Variants in SLC2A9 observed in about 807,000 individuals in gnomAD.
SLC2A9 encodes solute carrier family 2, facilitated glucose transporter member 9.
SLC2A9 carries 39 observed loss-of-function variants against 50.6 expected under a neutral mutation model. The observed-to-expected ratio is 0.77, with a 90% CI of 0.60 to 1.01. The LOEUF (loss-of-function observed/expected upper bound fraction) is 1.01. SLC2A9 is among the 50% of genes least tolerant of loss of function. The pLI is 0.00. For missense variants in SLC2A9, 686 were observed against 677.6 expected (o/e 1.01, Z -0.14); for synonymous variants, 324 against 276.9 (o/e 1.17, Z -1.69).
intron 9 of SLC2A9, among the ~76,000 whole-genome samples, chr4:9,888,475 T>G (rs1465560309): frequency 6.6e-6 from 1 of 151,572 alleles, no homozygotes; most frequent in Non-Finnish European, 1.5e-5. Context: ...ATCCGGGGGG[T>G]GGGTGGCTTG....
At chr4:9,860,120 C>G (rs1007304879) in intron 10 of SLC2A9, among the ~76,000 whole-genome samples, 1 of 152,190 alleles carries the variant, frequency 6.6e-6, no homozygotes, top group Non-Finnish European at 1.5e-5. Context: ...CACCTGCTAT[C>G]TCTCTGCCCC....
chr4:9,867,345 G>A (rs1732659865), intron 10 of SLC2A9, among the ~76,000 whole-genome samples: 1 of 152,204 alleles, frequency 6.6e-6, no homozygotes, highest in African/African-American at 2.4e-5. Flanking sequence ...AGCCATGTGG[G>A]TTTCTCATGT....
At chr4:9,780,778 G>T (rs1718246965) in intron 3 of SLC2A9, among the ~76,000 whole-genome samples, 1 of 152,124 alleles carries the variant, frequency 6.6e-6, no homozygotes, top group South Asian at 2.1e-4. Flanking sequence ...CCTCTTTATT[G>T]TTTTCCATCA....
chr4:9,960,594 A>T (rs17245723), intron 5 of SLC2A9, among the ~76,000 whole-genome samples: 72,129 of 152,122 alleles, frequency 0.47, 18,232 homozygotes, highest in African/African-American at 0.64. Flanking sequence ...GAGGAAGAGA[A>T]AGCTTTTGTC....
At chr4:9,823,742 G>C (rs1030087199), downstream of SLC2A9, among the ~76,000 whole-genome samples, 2 of 152,170 alleles carry the variant, frequency 1.3e-5, no homozygotes, top group Non-Finnish European at 2.9e-5. Flanking sequence ...GTAAATATCA[G>C]AGTATAAACA....
chr4:9,891,371 G>A (rs1334786225), intron 8 of SLC2A9, among the ~76,000 whole-genome samples: 2 of 152,140 alleles, frequency 1.3e-5, no homozygotes, highest in Admixed American at 6.5e-5. Context: ...AATTGTAGCC[G>A]AATGTCAGAG....
At chr4:10,034,218 T>C (rs960388511) in intron 1 of SLC2A9, 2 of 152,222 alleles carry the variant, frequency 1.3e-5, no homozygotes, top group East Asian at 3.8e-4. Flanking sequence ...GAAGCATACA[T>C]TCAATACACA....
chr4:9,803,033 A>G (rs1002678672), intron 3 of SLC2A9, among the ~76,000 whole-genome samples: 1 of 152,202 alleles, frequency 6.6e-6, no homozygotes, highest in African/African-American at 2.4e-5. Context: ...GTGTCAGAGG[A>G]GATGAAACTT....
chr4:9,985,173 T>C (rs922559461), intron 4 of SLC2A9, among the ~76,000 whole-genome samples: 1 of 152,132 alleles, frequency 6.6e-6, no homozygotes, highest in Non-Finnish European at 1.5e-5. Flanking sequence ...ACCTTATGTA[T>C]CTGTCTGCCC....
chr4:9,867,198 AT>A (rs993575276), intron 10 of SLC2A9, among the ~76,000 whole-genome samples: 2 of 152,256 alleles, frequency 1.3e-5, no homozygotes, highest in African/African-American at 4.8e-5. Flanking sequence ...AAAAGTACAA[AT>A]TGAAACAGAG....
intron 10 of SLC2A9, among the ~76,000 whole-genome samples, chr4:9,853,077 G>A (rs957765965): frequency 1.3e-5 from 2 of 151,654 alleles, no homozygotes; most frequent in African/African-American, 2.4e-5. Context: ...TCAGGAGGCT[G>A]AGGCAGGAGA....
intron 10 of SLC2A9, among the ~76,000 whole-genome samples, chr4:9,856,608 T>C (rs1313845389): frequency 2.0e-5 from 3 of 152,200 alleles, no homozygotes; most frequent in Non-Finnish European, 2.9e-5. Flanking sequence ...AGTCCCATTA[T>C]TGGGTACACA....
chr4:9,846,032 T>C (rs1047517088), intron 10 of SLC2A9, among the ~76,000 whole-genome samples: 1 of 152,196 alleles, frequency 6.6e-6, no homozygotes, highest in Non-Finnish European at 1.5e-5. Context: ...AAGAACTATC[T>C]TGGGAGGCAG....
chr4:9,803,376 C>G (rs1331569368), intron 3 of SLC2A9, among the ~76,000 whole-genome samples: 2 of 152,196 alleles, frequency 1.3e-5, no homozygotes, highest in African/African-American at 4.8e-5. Context: ...CATTTATCTA[C>G]CAAGAACTGT....
At chr4:10,000,171 A>T (rs12650373) in intron 2 of SLC2A9, among the ~76,000 whole-genome samples, 1 of 152,322 alleles carries the variant, frequency 6.6e-6, no homozygotes, top group Admixed American at 6.5e-5. Flanking sequence ...ATATATTATC[A>T]ATAGCTACAG....
At chr4:9,825,207 G>A (rs917126656), downstream of SLC2A9, among the ~76,000 whole-genome samples, 7 of 152,134 alleles carry the variant, frequency 4.6e-5, no homozygotes, top group South Asian at 6.2e-4. Context: ...ATAGGAAATC[G>A]CCCAAACCAC....
At chr4:9,941,809 A>G in intron 6 of SLC2A9, 104 bp downstream of exon 6, 1 of 1,528,698 alleles carries the variant, frequency 6.5e-7, no homozygotes, top group Non-Finnish European at 8.9e-7. Context: ...AAAAGGAACA[A>G]TGACAACACC....
intron 5 of SLC2A9, among the ~76,000 whole-genome samples, chr4:9,956,396 C>G (rs1018171199): frequency 6.6e-6 from 1 of 151,878 alleles, no homozygotes; most frequent in Admixed American, 6.6e-5. Context: ...AGGAGAATGG[C>G]GTGAATCTGG....
chr4:10,023,844 C>G (rs1026624938), upstream of SLC2A9, among the ~76,000 whole-genome samples: 1 of 152,180 alleles, frequency 6.6e-6, no homozygotes. Context: ...AGCCTGCCTC[C>G]AAAGCGAGGG....
Sources: gnomAD v4.1 joint callset for allele counts (sites outside exome capture counted in the v4.1 genomes callset) on GRCh38, gnomAD v4.1.1 for gene constraint, MANE v1.5 for transcripts, NCBI Gene and HGNC (gene_info 2026-07-23, HGNC 2026-07-21) for gene names.